Variants in GON4L observed in about 807,000 individuals in gnomAD.
GON4L encodes GON-4-like protein.
Under a neutral mutation model 211.8 loss-of-function variants are expected in GON4L, and 87 were observed. The observed-to-expected ratio is 0.41, with a 90% CI of 0.35 to 0.49. The LOEUF (loss-of-function observed/expected upper bound fraction) is 0.49, where lower values mean the gene tolerates loss of function less well. GON4L is among the 20% of genes least tolerant of loss of function. The probability of loss-of-function intolerance (pLI) is 0.15; values close to 1 mark genes in which losing one functional copy is unlikely to be tolerated. For missense variants in GON4L, 2,155 were observed against 2,659.5 expected (o/e 0.81, Z 4.17); for synonymous variants, 875 against 962.6 (o/e 0.91, Z 1.68).
At chr1:155,754,692 G>A (rs932820538) in intron 27 of GON4L, among the ~76,000 whole-genome samples, 1 of 151,466 alleles carries the variant, frequency 6.6e-6, no homozygotes. Context: ...ACCACACCCA[G>A]CTAATTTTTG....
chr1:155,757,669 G>A (rs1661338835), intron 25 of GON4L, among the ~76,000 whole-genome samples: 1 of 134,618 alleles, frequency 7.4e-6, no homozygotes, highest in Admixed American at 7.7e-5. Flanking sequence ...GCATTCCTGA[G>A]CCTGTGAAGA....
chr1:155,819,810 T>C (rs1031361108), intron 6 of GON4L, among the ~76,000 whole-genome samples: 3 of 152,230 alleles, frequency 2.0e-5, no homozygotes, highest in Non-Finnish European at 4.4e-5. Context: ...CACTTTAGTA[T>C]TCAAAAGAAT....
At chr1:155,803,014 C>A (rs1278264951) in intron 11 of GON4L, among the ~76,000 whole-genome samples, 2 of 152,144 alleles carry the variant, frequency 1.3e-5, no homozygotes, top group African/African-American at 4.8e-5. Context: ...GGCACCCTGT[C>A]ATTCATAAAG....
intron 1 of GON4L, among the ~76,000 whole-genome samples, chr1:155,856,191 G>A (rs1355366913): frequency 1.3e-5 from 2 of 151,842 alleles, no homozygotes; most frequent in East Asian, 3.9e-4. Context: ...AAGCGTCTAA[G>A]GTTAGATTTC....
downstream of GON4L, among the ~76,000 whole-genome samples, chr1:155,745,178 T>C (rs1459653791): frequency 2.6e-5 from 4 of 152,206 alleles, no homozygotes; most frequent in Non-Finnish European, 5.9e-5. Flanking sequence ...CAATGGACTA[T>C]TCCACAGAGA....
intron 12 of GON4L, among the ~76,000 whole-genome samples, chr1:155,794,416 A>G (rs1427115766): frequency 6.6e-6 from 1 of 152,144 alleles, no homozygotes; most frequent in African/African-American, 2.4e-5. Context: ...TGATGTAAAC[A>G]CTACCTAATC....
chr1:155,852,763 G>A (rs989079036), intron 2 of GON4L, among the ~76,000 whole-genome samples: 1 of 151,876 alleles, frequency 6.6e-6, no homozygotes, highest in African/African-American at 2.4e-5. Context: ...GAAGAAAGGG[G>A]TACAGAAGTG....
intron 28 of GON4L, chr1:155,753,904 CTG>C (rs1442621821): frequency 4.5e-6 from 1 of 220,990 alleles, no homozygotes; most frequent in African/African-American, 2.3e-5. Flanking sequence ...CGGTCTCACT[CTG>C]TCACCCAGGC....
At chr1:155,764,187 T>A (rs548216529) in intron 21 of GON4L, among the ~76,000 whole-genome samples, 1 of 152,046 alleles carries the variant, frequency 6.6e-6, no homozygotes, top group South Asian at 2.1e-4. Context: ...GGTGCAATCG[T>A]GGCTCACCGC....
rs780501773 is a variant in GON4L at position 155,751,946 on chromosome 1, C to G, written c.6473+14G>C. ...ATGCTCTTTTCCAAACACACGTCAT[C>G]CACCCTTACCTACCTTGTCCACAGG... is the stretch of plus-strand genomic sequence containing the variant. On this transcript the variant is annotated intron_variant, in intron 30 of 31. Transcript: ENST00000368331. 3.1e-6 allele frequency: 5 copies of G among 1,612,308 alleles called. No individual in the cohort carries two copies. The East Asian group carries it at 1.1e-4, about 36-fold the overall frequency.
Position 155,753,288 on chromosome 1 carries a change from C to T in GON4L, c.5758G>A (p.Glu1920Lys), listed in dbSNP as rs1660811382. The T allele has an allele frequency of 6.2e-7, 1 of 1,613,710 alleles. No homozygotes were observed. The highest frequency in any genetic ancestry group is 1.7e-5 in the Admixed American group (1 of 59,982). The change falls in exon 29 of 32, where the codon GAA (glutamate) becomes AAA (lysine). Residue 1920 changes from glutamate to lysine, a missense_variant. Physicochemically the swap from Glu to Lys is moderately conservative, Grantham distance 56. Around this residue, in one of 6 missense-constraint regions of GON4L, gnomAD observed 455 missense variants for 504.6 expected, o/e 0.90. Coordinates refer to ENST00000368331, the MANE Select transcript of GON4L (RefSeq NM_001282860.2). ...GTGCTCTCCCGCTCCTCTGGGGCTT[C>T]CTCTTCCATCATATCCTTGCCCTGC... ...AGQGKDMMEE[E>K]APEERESTEA...
At chr1:155,836,112 G>A (rs1193473713) in intron 2 of GON4L, among the ~76,000 whole-genome samples, 1 of 152,138 alleles carries the variant, frequency 6.6e-6, no homozygotes, top group Non-Finnish European at 1.5e-5. Flanking sequence ...AGCCATGGTG[G>A]TGCACGCCTG....
At chr1:155,745,687 C>G, downstream of GON4L, 1 of 730,108 alleles carries the variant, frequency 1.4e-6, no homozygotes, top group African/African-American at 1.8e-5. Context: ...AGGATCGGCG[C>G]ATCATTTCTC....
chr1:155,775,707 C>T (rs1443525894), intron 16 of GON4L, among the ~76,000 whole-genome samples: 1 of 152,126 alleles, frequency 6.6e-6, no homozygotes, highest in African/African-American at 2.4e-5. Flanking sequence ...GATCCAGCCA[C>T]CTCAGCCTAC....
intron 2 of GON4L, among the ~76,000 whole-genome samples, chr1:155,839,291 T>C (rs1266429950): frequency 6.7e-6 from 1 of 150,308 alleles, no homozygotes; most frequent in Non-Finnish European, 1.5e-5. Context: ...CAGATCTCAG[T>C]GGGAAAAAAA....
chr1:155,758,802 C>T (rs1424176928), intron 24 of GON4L, among the ~76,000 whole-genome samples: 2 of 152,184 alleles, frequency 1.3e-5, no homozygotes, highest in Admixed American at 6.5e-5. Context: ...TCACTTGAAC[C>T]TGGGAGGCAG....
intron 17 of GON4L, chr1:155,774,780 A>T: frequency 1.5e-6 from 1 of 677,380 alleles, no homozygotes; most frequent in Non-Finnish European, 2.6e-6. Context: ...CCATATTCCT[A>T]TACTGTCCAC....
intron 11 of GON4L, among the ~76,000 whole-genome samples, chr1:155,797,452 A>G (rs1666177266): frequency 6.7e-6 from 1 of 149,882 alleles, no homozygotes; most frequent in Non-Finnish European, 1.5e-5. Context: ...ATAATAAATG[A>G]GCATCTTTTT....
intron 8 of GON4L, among the ~76,000 whole-genome samples, chr1:155,815,300 A>G (rs182294885): frequency 4.3e-4 from 65 of 152,354 alleles, no homozygotes; most frequent in Admixed American, 9.2e-4. Flanking sequence ...GAATCTCAAA[A>G]GCTTAATGTT....
Sources: gnomAD v4.1 joint callset for allele counts (sites outside exome capture counted in the v4.1 genomes callset) on GRCh38, gnomAD v4.1.1 for gene constraint, gnomAD v4.1.1 regional missense constraint, MANE v1.5 for transcripts, NCBI Gene and HGNC (gene_info 2026-07-23, HGNC 2026-07-21) for gene names.